ADAMTS6: variants seen among roughly 807,000 people sequenced by gnomAD.
The protein encoded by ADAMTS6 is A disintegrin and metalloproteinase with thrombospondin motifs 6.
Under a neutral mutation model 144.3 loss-of-function variants are expected in ADAMTS6, and 23 were observed. That is an observed-to-expected ratio of 0.16 (90% CI 0.11 to 0.23). The LOEUF (loss-of-function observed/expected upper bound fraction) is 0.23. Ranked by LOEUF, ADAMTS6 falls within the 10% of genes least tolerant of loss-of-function variation. The pLI is 1.00. For synonymous variants in ADAMTS6, 444 were observed against 457.5 expected, an observed-to-expected ratio of 0.97 and a Z score of 0.38; for missense variants, 999 against 1,379.6, an observed-to-expected ratio of 0.72 and a Z score of 4.37.
intron 7 of ADAMTS6, among the ~76,000 whole-genome samples, chr5:65,427,360 A>C (rs1756628440): frequency 6.6e-6 from 1 of 151,820 alleles, no homozygotes. Flanking sequence ...CTGGAGTGCC[A>C]AGGCATGATC....
rs565865570 is a variant in ADAMTS6, at chr5:65,256,085, C to T, written c.1830+4515G>A. Among the ~76,000 whole-genome samples, 4 of 152,212 alleles carry T rather than the reference C, an allele frequency of 2.6e-5. 1 individual carries two copies. In the South Asian group the frequency reaches 8.3e-4, roughly 32 times the overall value. On this transcript the variant is annotated intron_variant, in intron 14 of 24. Transcript: ENST00000381055. The stretch of plus-strand genomic sequence containing the variant: ...ATAAAATTTACAATCTTCTTTATAA[C>T]GAGAATTTTTCTGTTGCATAGCTAG...
chr5:65,321,115 G>T (rs1745569515), intron 9 of ADAMTS6, among the ~76,000 whole-genome samples: 1 of 152,144 alleles, frequency 6.6e-6, no homozygotes, highest in Non-Finnish European at 1.5e-5. Context: ...AGATCTTTGA[G>T]GAATCACCAC....
intron 22 of ADAMTS6, among the ~76,000 whole-genome samples, chr5:65,177,926 T>A (rs2112116950): frequency 6.6e-6 from 1 of 152,280 alleles, no homozygotes; most frequent in Admixed American, 6.5e-5. Context: ...TGCCAAGCTC[T>A]CTCTGCTATA....
rs183065349 is a variant in ADAMTS6 at position 65,221,691 on chromosome 5, T to C, written c.2272+2629A>G. Among the ~76,000 whole-genome samples, 391 of 152,258 alleles carry C rather than the reference T, an allele frequency of 2.6e-3. 3 individuals carry two copies. The highest frequency in any genetic ancestry group is 3.3e-3 in the Non-Finnish European group (226 of 67,986). The stretch of plus-strand genomic sequence containing the variant: ...ATAAAGGGCATAAAGATTGGAAAGA[T>C]AGAAGTAAAAGTGCCTTTGTTCGAG... On this transcript the variant is annotated intron_variant, in intron 18 of 24. Transcript: ENST00000381055.
At chr5:65,194,427 T>C (rs1755207436) in intron 21 of ADAMTS6, among the ~76,000 whole-genome samples, 1 of 152,246 alleles carries the variant, frequency 6.6e-6, no homozygotes, top group Non-Finnish European at 1.5e-5. Context: ...CAGATGATTT[T>C]GCCCAATGGT....
chr5:65,185,763 G>A (rs1478946824), intron 22 of ADAMTS6, among the ~76,000 whole-genome samples: 1 of 152,228 alleles, frequency 6.6e-6, no homozygotes, highest in Non-Finnish European at 1.5e-5. Context: ...CAACCTATGT[G>A]AAGTTGAATT....
intron 7 of ADAMTS6, among the ~76,000 whole-genome samples, chr5:65,403,282 T>C (rs1453114044): frequency 1.3e-5 from 2 of 152,128 alleles, no homozygotes; most frequent in African/African-American, 2.4e-5. Context: ...GACTCCACCT[T>C]TGAAACACTT....
intron 14 of ADAMTS6, among the ~76,000 whole-genome samples, chr5:65,247,175 C>T (rs1227620091): frequency 6.6e-6 from 1 of 152,144 alleles, no homozygotes; most frequent in East Asian, 1.9e-4. Context: ...AGCAAAGCTG[C>T]AGGTCTCAGC....
intron 7 of ADAMTS6, among the ~76,000 whole-genome samples, chr5:65,359,365 A>C (rs1361667614): frequency 2.6e-5 from 4 of 152,138 alleles, no homozygotes; most frequent in Non-Finnish European, 5.9e-5. Context: ...GAGAAATCAT[A>C]TCATACCTGT....
chr5:65,208,244 AG>A (rs1261161738), intron 20 of ADAMTS6, among the ~76,000 whole-genome samples: 1 of 152,218 alleles, frequency 6.6e-6, no homozygotes, highest in Non-Finnish European at 1.5e-5. Context: ...TTTCAAAAGC[AG>A]TACTTCTCAA....
chr5:65,332,312 T>TATATATAG (rs1384467152), intron 8 of ADAMTS6, among the ~76,000 whole-genome samples: 46 of 102,108 alleles, frequency 4.5e-4, no homozygotes, highest in Non-Finnish European at 8.1e-4. Context: ...TATATATATA[T>TATATATAG]AGAGAGAGAG....
chr5:65,163,712 G>A (rs1752932816), intron 24 of ADAMTS6, among the ~76,000 whole-genome samples: 1 of 151,916 alleles, frequency 6.6e-6, no homozygotes, highest in African/African-American at 2.4e-5. Flanking sequence ...GTTTTTTCAG[G>A]GCCTTATAAT....
At chr5:65,479,926 T>G (rs1427582474) in intron 1 of ADAMTS6, among the ~76,000 whole-genome samples, 1 of 152,212 alleles carries the variant, frequency 6.6e-6, no homozygotes, top group Non-Finnish European at 1.5e-5. Flanking sequence ...AATCAACGTA[T>G]TTGCCTCTAA....
At chr5:65,212,430 T>C (rs1368074021) in intron 20 of ADAMTS6, among the ~76,000 whole-genome samples, 3 of 148,766 alleles carry the variant, frequency 2.0e-5, no homozygotes, top group Non-Finnish European at 1.5e-5. Context: ...TCTCTTTTTT[T>C]TTTTTTTTTT....
intron 24 of ADAMTS6, among the ~76,000 whole-genome samples, chr5:65,159,768 G>A (rs1752643925): frequency 6.6e-6 from 1 of 152,224 alleles, no homozygotes; most frequent in African/African-American, 2.4e-5. Flanking sequence ...CACATGGTAA[G>A]TATGTTTGCT....
chr5:65,314,363 C>T (rs1313253485), intron 9 of ADAMTS6, among the ~76,000 whole-genome samples: 1 of 152,020 alleles, frequency 6.6e-6, no homozygotes, highest in African/African-American at 2.4e-5. Flanking sequence ...TCCACACCCA[C>T]ACCCCAGAAT....
intron 9 of ADAMTS6, among the ~76,000 whole-genome samples, chr5:65,302,902 T>C (rs937569962): frequency 1.3e-5 from 2 of 152,146 alleles, no homozygotes; most frequent in Non-Finnish European, 2.9e-5. Flanking sequence ...CGACTCCTTA[T>C]GCACTCTTTT....
At chr5:65,241,952 TATAGTACTATA>T (rs1759227630) in intron 15 of ADAMTS6, 141 bp downstream of exon 15, 1 of 422,418 alleles carries the variant, frequency 2.4e-6, no homozygotes, top group African/African-American at 2.0e-5. Context: ...ATGAAGCCTT[TATAGTACTATA>T]AGCATTTCCC....
chr5:65,432,397 T>C (rs907104004), intron 7 of ADAMTS6, among the ~76,000 whole-genome samples: 1 of 151,900 alleles, frequency 6.6e-6, no homozygotes, highest in African/African-American at 2.4e-5. Flanking sequence ...TTCTTTGGGA[T>C]AAAAGAAAAA....
Sources: gnomAD v4.1 joint callset for allele counts (sites outside exome capture counted in the v4.1 genomes callset) on GRCh38, gnomAD v4.1.1 for gene constraint, MANE v1.5 for transcripts, NCBI Gene and HGNC (gene_info 2026-07-23, HGNC 2026-07-21) for gene names.